TAFA4: variants seen among roughly 807,000 people sequenced by gnomAD.
The protein encoded by TAFA4 is chemokine-like protein TAFA-4.
In TAFA4, 20 loss-of-function variants were observed where a neutral mutation model predicts 21.1. The observed-to-expected ratio is 0.95, with a 90% CI of 0.67 to 1.38. The LOEUF is 1.38. Ranked by LOEUF, TAFA4 falls within the 40% of genes most tolerant of loss-of-function variation. TAFA4 has a pLI of 0.00. For missense variants in TAFA4, 211 were observed against 180.9 expected, an observed-to-expected ratio of 1.17 and a Z score of -0.95; for synonymous variants, 71 against 67.4, an observed-to-expected ratio of 1.05 and a Z score of -0.26.
At chr3:68,748,309 G>A (rs370295583) in intron 4 of TAFA4, among the ~76,000 whole-genome samples, 8 of 152,292 alleles carry the variant, frequency 5.3e-5, no homozygotes, top group Middle Eastern at 3.4e-3. Flanking sequence ...AGAAAAATAC[G>A]TTTTAAGTGG....
chr3:68,805,818 G>A (rs934355615), intron 3 of TAFA4, among the ~76,000 whole-genome samples: 2 of 152,076 alleles, frequency 1.3e-5, no homozygotes, highest in South Asian at 2.1e-4. Flanking sequence ...GGTGGGGGGA[G>A]GAGAGGGGGA....
At chr3:68,761,045 TG>T (rs1314855409) in intron 3 of TAFA4, among the ~76,000 whole-genome samples, 3 of 152,206 alleles carry the variant, frequency 2.0e-5, no homozygotes, top group African/African-American at 7.2e-5. Flanking sequence ...CGTTACCTGC[TG>T]GTAACAAAAG....
chr3:68,738,998 T>G (rs940433485), intron 5 of TAFA4, 77 bp downstream of exon 5: 2 of 1,581,018 alleles, frequency 1.3e-6, no homozygotes, highest in Non-Finnish European at 1.7e-6. Flanking sequence ...GTGTTCTTGA[T>G]GGCAGAATAA....
intron 3 of TAFA4, among the ~76,000 whole-genome samples, chr3:68,854,197 T>C (rs9815662): frequency 0.013 from 2,029 of 151,946 alleles, 43 homozygotes; most frequent in African/African-American, 0.046. Context: ...GGAATGACCA[T>C]GAAAGAGGGC....
At chr3:68,797,535 C>CT (rs1703476308) in intron 3 of TAFA4, among the ~76,000 whole-genome samples, 2 of 149,476 alleles carry the variant, frequency 1.3e-5, no homozygotes, top group Admixed American at 1.3e-4. Flanking sequence ...ATCACTTGAA[C>CT]CTGGGAGACA....
intron 1 of TAFA4, among the ~76,000 whole-genome samples, chr3:68,918,132 T>TACACACACACACAC (rs71618251): frequency 1.3e-5 from 2 of 148,826 alleles, no homozygotes; most frequent in East Asian, 2.1e-4. Context: ...CAGACACACA[T>TACACACACACACAC]ACACACACAC....
At chr3:68,840,385 T>A (rs1049229631) in intron 3 of TAFA4, among the ~76,000 whole-genome samples, 4 of 152,018 alleles carry the variant, frequency 2.6e-5, no homozygotes, top group African/African-American at 9.7e-5. Flanking sequence ...ATTTTTGTAT[T>A]TGTATCTCAA....
Position 68,885,326 on chromosome 3 carries a change from CAA to C in TAFA4, c.-122-18_-122-17del, listed in dbSNP as rs111761904. On this transcript the variant is annotated splice_polypyrimidine_tract_variant and intron_variant, in intron 1 of 5. Coordinates refer to ENST00000295569, the MANE Select transcript of TAFA4 (RefSeq NM_182522.5). ...CTCAGAAGACCTATGTTAAAAAGGC[CAA>C]AAAAAAAAAAGGAATCAATTAGCAT... The C allele has an allele frequency of 3.3e-3, 1,532 of 458,320 alleles. No homozygotes were observed. The highest frequency in any genetic ancestry group is 7.2e-3 in the South Asian group (195 of 27,224). The allele number at this position is 458,320 out of a possible 1,614,324, so 28.4% of individuals were successfully genotyped here. A position where few individuals can be genotyped will look rare whatever the true frequency, so the allele number is the denominator to read the frequency against.
intron 3 of TAFA4, among the ~76,000 whole-genome samples, chr3:68,796,113 C>G (rs1205123904): frequency 2.0e-5 from 3 of 152,108 alleles, no homozygotes; most frequent in East Asian, 1.9e-4. Flanking sequence ...GACACAAGCA[C>G]CCCTGTGGCC....
chr3:68,912,350 A>G (rs988544099), intron 1 of TAFA4, among the ~76,000 whole-genome samples: 1 of 152,216 alleles, frequency 6.6e-6, no homozygotes, highest in Non-Finnish European at 1.5e-5. Context: ...GGAAATAGCC[A>G]TGATTAAAAG....
At chr3:68,786,474 T>C (rs1450453635) in intron 3 of TAFA4, among the ~76,000 whole-genome samples, 2 of 152,134 alleles carry the variant, frequency 1.3e-5, no homozygotes, top group Non-Finnish European at 2.9e-5. Flanking sequence ...CTGGGCAACA[T>C]AGTGAGACTC....
At chr3:68,737,944 G>T (rs1702274374) in intron 5 of TAFA4, among the ~76,000 whole-genome samples, 2 of 152,144 alleles carry the variant, frequency 1.3e-5, no homozygotes, top group South Asian at 2.1e-4. Context: ...TTTCATTCAA[G>T]AAATAGTTAC....
At chr3:68,750,243 G>A (rs909131107) in intron 4 of TAFA4, among the ~76,000 whole-genome samples, 3 of 152,156 alleles carry the variant, frequency 2.0e-5, no homozygotes, top group African/African-American at 7.2e-5. Flanking sequence ...GCAGCAGTGA[G>A]TTATGATCAT....
At chr3:68,742,429 C>A (rs1488171634) in intron 4 of TAFA4, among the ~76,000 whole-genome samples, 1 of 131,362 alleles carries the variant, frequency 7.6e-6, no homozygotes, top group Non-Finnish European at 1.6e-5. Flanking sequence ...TCAAACTATG[C>A]TGCCTGTGAA....
chr3:68,906,112 T>G (rs1041816526), intron 1 of TAFA4, among the ~76,000 whole-genome samples: 1 of 152,216 alleles, frequency 6.6e-6, no homozygotes, highest in Non-Finnish European at 1.5e-5. Flanking sequence ...TAATGTTGTA[T>G]GTACACAGCA....
intron 3 of TAFA4, among the ~76,000 whole-genome samples, chr3:68,867,671 C>T (rs955461975): frequency 6.6e-5 from 10 of 151,918 alleles, no homozygotes; most frequent in African/African-American, 1.2e-4. Context: ...ATTGAGACAA[C>T]GAAAAGTCAA....
At chr3:68,752,825 T>C in intron 4 of TAFA4, 38 bp downstream of exon 4, 1 of 1,613,786 alleles carries the variant, frequency 6.2e-7, no homozygotes, top group African/African-American at 1.3e-5. Flanking sequence ...GTTTTGGCCT[T>C]TTTGAAATAC....
rs73835351 is a variant in TAFA4, at chr3:68,787,254, C to T, written c.131-34236G>A. ...AACAACCAGACCTAAGAGTATTCAG[C>T]GGAGACTGAAATTGCAACAAACTAA... On this transcript the variant is annotated intron_variant, in intron 3 of 5. Transcript: ENST00000295569. Among the ~76,000 whole-genome samples the T allele has an allele frequency of 6.0e-3, 918 of 152,152 alleles. 11 individuals carry two copies. Among genetic ancestry groups the T allele is most frequent in the African/African-American group, 0.011 (449 of 41,510 alleles).
chr3:68,811,523 G>A (rs1426661742), intron 3 of TAFA4, among the ~76,000 whole-genome samples: 2 of 152,184 alleles, frequency 1.3e-5, no homozygotes, highest in East Asian at 3.8e-4. Flanking sequence ...ACTACATGAT[G>A]AATGCACAAG....
Sources: gnomAD v4.1 joint callset for allele counts (sites outside exome capture counted in the v4.1 genomes callset) on GRCh38, gnomAD v4.1.1 for gene constraint, MANE v1.5 for transcripts, NCBI Gene and HGNC (gene_info 2026-07-23, HGNC 2026-07-21) for gene names.